Variants in ERMP1 observed in about 807,000 individuals in gnomAD.
ERMP1 encodes the protein Felix-ina.
A neutral mutation model predicts 92.0 loss-of-function variants in ERMP1; 86 were observed. That is an observed-to-expected ratio of 0.93 (90% CI 0.79 to 1.12). The LOEUF (loss-of-function observed/expected upper bound fraction) is 1.12. ERMP1 is among the 50% of genes most tolerant of loss of function. ERMP1 has a pLI of 0.00. For synonymous variants in ERMP1, 530 were observed against 412.8 expected (o/e 1.28, Z -3.44); for missense variants, 1,342 against 1,116.3 (o/e 1.20, Z -2.88).
chr9:5,854,672 T>G (rs1330016236), intron 6 of ERMP1, among the ~76,000 whole-genome samples: 2 of 152,128 alleles, frequency 1.3e-5, no homozygotes, highest in African/African-American at 2.4e-5. Flanking sequence ...ACTACAGGCG[T>G]GCGTCACCAT....
Position 5,832,987 on chromosome 9 carries a change from C to G in ERMP1, c.41G>C (p.Arg14Pro). The change falls in exon 1 of 15, where the codon CGC becomes CCC. Residue 14 changes from arginine to proline, a missense_variant. Coordinates refer to ENST00000339450, the MANE Select transcript of ERMP1 (RefSeq NM_024896.3). ...GSESAAVRRH[R>P]VGVERREGAA... ...TCCCTCTCGACGCTCTACTCCGACG[C>G]GGTGCCGCCTCACAGCAGCCGACTC... 1 of 1,560,712 alleles carries G rather than the reference C, an allele frequency of 6.4e-7. No homozygotes were observed. Among genetic ancestry groups the G allele is most frequent in the Non-Finnish European group, 8.6e-7 (1 of 1,164,386 alleles).
chr9:5,851,846 G>A lies in ERMP1; in HGVS notation n.3199+7622C>T, dbSNP rs551866415. On this transcript the variant is annotated intron_variant and non_coding_transcript_variant, in intron 6 of 6. Transcript: ENST00000690753. ...TACTAAATCTAAGATGATTTACAAA[G>A]GAATATTACTTAACGAATGGCTTGA... Among the ~76,000 whole-genome samples the A allele has an allele frequency of 1.6e-4, 25 of 152,186 alleles. No homozygotes were observed. In the East Asian group the frequency reaches 4.3e-3, roughly 26 times the overall value.
At chr9:5,803,399 A>C (rs1278215995) in intron 10 of ERMP1, among the ~76,000 whole-genome samples, 6 of 152,238 alleles carry the variant, frequency 3.9e-5, no homozygotes, top group Admixed American at 2.0e-4. Flanking sequence ...AAGACACTTT[A>C]ATCCTCTTTC....
intron 6 of ERMP1, among the ~76,000 whole-genome samples, chr9:5,854,375 C>A (rs1163041139): frequency 6.6e-6 from 1 of 152,148 alleles, no homozygotes; most frequent in African/African-American, 2.4e-5. Context: ...TTTGCTCCAC[C>A]CAACCAGCTC....
rs142800991 is a variant in ERMP1, at chr9:5,820,317, T to C, written c.874+3579A>G. ...CCACCTCAAAAAGAAAAGGTGGCTA[T>C]AAAGTAGCAGACAGAATATGATTCT... On this transcript the variant is annotated intron_variant, in intron 4 of 14. Transcript: ENST00000339450. Among the ~76,000 whole-genome samples, 131 of 152,294 alleles carry C rather than the reference T, an allele frequency of 8.6e-4. 1 individual carries two copies. The highest frequency in any genetic ancestry group is 3.1e-3 in the African/African-American group (127 of 41,578).
Position 5,810,221 on chromosome 9 carries a change from G to A in ERMP1, c.1338C>T (p.Tyr446=), listed in dbSNP as rs1829038606. ...FLQPKHKTGN[Y]KKDFLCGLGI... ...CAAGTCCACACAAGAAGTCCTTCTT[G>A]TAGTTACCAGCTAATGAAGAGAAAA... The change falls in exon 8 of 15, where the codon TAC becomes TAT. Residue 446 remains tyrosine, a synonymous_variant. Transcript: ENST00000339450. 1 of 1,613,190 alleles carries A rather than the reference G, an allele frequency of 6.2e-7. No homozygotes were observed. The highest frequency in any genetic ancestry group is 8.5e-7 in the Non-Finnish European group (1 of 1,179,478).
At chr9:5,812,447 G>A (rs1427585305) in intron 5 of ERMP1, among the ~76,000 whole-genome samples, 2 of 152,136 alleles carry the variant, frequency 1.3e-5, no homozygotes, top group Admixed American at 6.5e-5. Flanking sequence ...TACTCCACAG[G>A]TAGGCATTAC....
chr9:5,853,901 G>A (rs141785371), intron 6 of ERMP1, among the ~76,000 whole-genome samples: 193 of 151,576 alleles, frequency 1.3e-3, no homozygotes, highest in African/African-American at 4.5e-3. Context: ...GAGACTCTCT[G>A]TCTTCCAGAC....
intron 4 of ERMP1, among the ~76,000 whole-genome samples, chr9:5,815,695 A>G (rs186631276): frequency 6.6e-6 from 1 of 152,278 alleles, no homozygotes; most frequent in East Asian, 1.9e-4. Flanking sequence ...ATTTACCTAA[A>G]GTATCTATCA....
rs547909526 is a variant in ERMP1 at position 5,852,262 on chromosome 9, G to GT, written n.3199+7205dup. Among the ~76,000 whole-genome samples, 9 of 141,424 alleles carry GT rather than the reference G, an allele frequency of 6.4e-5. No individual in the cohort carries two copies. The South Asian group carries it at 1.6e-3, about 25-fold the overall frequency. The allele number at this position is 141,424 out of a possible 152,430, so 92.8% of individuals were successfully genotyped here. A position where few individuals can be genotyped will look rare whatever the true frequency, so the allele number is the denominator to read the frequency against. On this transcript the variant is annotated intron_variant and non_coding_transcript_variant, in intron 6 of 6. Transcript: ENST00000690753. ...GGTAAGCAGCAGAGTGTTTTTTTTT[G>GT]TTTTTTTGTTTTTTTTTTCCAGACA... is the stretch of plus-strand genomic sequence containing the variant.
intron 4 of ERMP1, among the ~76,000 whole-genome samples, chr9:5,815,312 A>G (rs1327582268): frequency 6.6e-6 from 1 of 152,192 alleles, no homozygotes; most frequent in Non-Finnish European, 1.5e-5. Flanking sequence ...AGCAAAGTAC[A>G]AGGTAAGTTG....
chr9:5,842,163 T>G (rs866044780), intron 6 of ERMP1, among the ~76,000 whole-genome samples: 1 of 152,332 alleles, frequency 6.6e-6, no homozygotes, highest in Non-Finnish European at 1.5e-5. Flanking sequence ...TTGCAGCTGC[T>G]GGCTGGGGTG....
intron 1 of ERMP1, 88 bp downstream of exon 1, chr9:5,832,602 G>GGCGGGTGCACACAGGT: frequency 9.2e-7 from 1 of 1,083,022 alleles, no homozygotes; most frequent in Non-Finnish European, 1.2e-6. Context: ...GTCCGGCAGG[G>GGCGGGTGCACACAGGT]GCGGGTGCAC....
chr9:5,827,261 G>T (rs1233317138), intron 2 of ERMP1, among the ~76,000 whole-genome samples: 1 of 152,060 alleles, frequency 6.6e-6, no homozygotes, highest in Non-Finnish European at 1.5e-5. Context: ...CTATTTCAGG[G>T]GTGTCCAATC....
intron 1 of ERMP1, 51 bp downstream of exon 1, chr9:5,832,639 C>G (rs761762131): frequency 9.1e-6 from 12 of 1,322,602 alleles, no homozygotes; most frequent in Non-Finnish European, 1.2e-5. Flanking sequence ...GGAGCCTGCG[C>G]AGGAGCCGCA....
chr9:5,833,289 G>A (rs1217438974), upstream of ERMP1, among the ~76,000 whole-genome samples: 1 of 152,216 alleles, frequency 6.6e-6, no homozygotes, highest in East Asian at 1.9e-4. Flanking sequence ...TCTGTAGGAC[G>A]GAGATTGCCA....
chr9:5,791,197 G>C (rs1417428305), intron 13 of ERMP1: 1 of 456,516 alleles, frequency 2.2e-6, no homozygotes, highest in African/African-American at 2.0e-5. Flanking sequence ...GAGAGACAGA[G>C]AGAGTGATTG....
At chr9:5,829,378 G>C (rs764696507) in intron 2 of ERMP1, among the ~76,000 whole-genome samples, 47 of 152,112 alleles carry the variant, frequency 3.1e-4, no homozygotes, top group Non-Finnish European at 5.4e-4. Context: ...ATTCTAATAT[G>C]AATCATTTTA....
At chr9:5,794,524 A>G (rs1032837909) in intron 13 of ERMP1, among the ~76,000 whole-genome samples, 2 of 152,122 alleles carry the variant, frequency 1.3e-5, no homozygotes, top group Non-Finnish European at 2.9e-5. Flanking sequence ...AGAAAAAAAG[A>G]AAAGATGTAA....
Sources: allele counts gnomAD v4.1 joint callset (sites outside exome capture counted in the v4.1 genomes callset), GRCh38; gene constraint gnomAD v4.1.1; transcripts MANE v1.5; gene names NCBI Gene and HGNC (gene_info 2026-07-23, HGNC 2026-07-21).